Variants in DPP6 observed in about 807,000 individuals in gnomAD.
The protein encoded by DPP6 is dipeptidyl peptidase like 6.
DPP6 carries 69 observed loss-of-function variants against 122.6 expected under a neutral mutation model. That is an observed-to-expected ratio of 0.56 (90% confidence interval 0.46 to 0.69). The LOEUF is 0.69. Ranked by LOEUF, DPP6 falls within the 30% of genes least tolerant of loss-of-function variation. The pLI, the probability that DPP6 is intolerant of heterozygous loss-of-function variation, is 0.00. For missense variants in DPP6, 928 were observed against 1,116.9 expected (o/e 0.83, Z 2.41); for synonymous variants, 418 against 433.1 (o/e 0.97, Z 0.43).
In DPP6 at chr7:154,159,043, C is replaced by T. The variant is rs1796841439; in HGVS notation, c.243+105980C>T. On this transcript the variant is annotated intron_variant, in intron 1 of 25. Transcript: ENST00000377770. Reference sequence around the variant, plus strand: ...TTCCTCCAGAGAATCAACCTCCCATCTCGTGTGTTACTGGAGGAGGGTTTT... The same window carrying T: ...TTCCTCCAGAGAATCAACCTCCCATTTCGTGTGTTACTGGAGGAGGGTTTT... Among the ~76,000 whole-genome samples the T allele has an allele frequency of 3.9e-5, 6 of 152,260 alleles. No individual in the cohort carries two copies. In the South Asian group the frequency reaches 1.0e-3, roughly 26 times the overall value.
At chr7:154,700,305 C>T (rs933688695) in intron 7 of DPP6, among the ~76,000 whole-genome samples, 1 of 152,160 alleles carries the variant, frequency 6.6e-6, no homozygotes, top group Non-Finnish European at 1.5e-5. Context: ...GATCTGGTTT[C>T]CCTTGTCTTA....
intron 6 of DPP6, among the ~76,000 whole-genome samples, chr7:154,648,305 C>G (rs960299041): frequency 6.6e-6 from 1 of 151,908 alleles, no homozygotes; most frequent in African/African-American, 2.4e-5. Context: ...TCGCAAGTGC[C>G]AGGCCTGATG....
At chr7:154,614,929 C>T (rs144074082) in intron 5 of DPP6, among the ~76,000 whole-genome samples, 7 of 152,302 alleles carry the variant, frequency 4.6e-5, no homozygotes, top group African/African-American at 1.2e-4. Context: ...CTCATGGGAC[C>T]GCTGTGAGTT....
Position 154,877,503 on chromosome 7 carries a change from ACACCAACAATGT to A in DPP6, c.2078+1411_2078+1422del, listed in dbSNP as rs1804986449. Among the ~76,000 whole-genome samples the A allele has an allele frequency of 6.6e-6, 1 of 152,130 alleles. No homozygotes were observed. Among genetic ancestry groups the A allele is most frequent in the Non-Finnish European group, 1.5e-5 (1 of 68,020 alleles). ...CAGGTCTCAAGGTTGATGAATCCAG[ACACCAACAATGT>A]CACCAACGACCCAGGCTCTCTCCGT... On this transcript the variant is annotated intron_variant, in intron 20 of 25. Coordinates refer to ENST00000377770, the MANE Select transcript of DPP6 (RefSeq NM_130797.4). This position sits in a 1 kb window ranked among gnomAD's most constrained non-coding sequence, Gnocchi z 5.2.
chr7:154,698,435 T>C, intron 7 of DPP6, among the ~76,000 whole-genome samples: 1 of 152,210 alleles, frequency 6.6e-6, no homozygotes, highest in East Asian at 1.9e-4. Flanking sequence ...TTGTCGTCCG[T>C]ATGCCTCATC....
At chr7:154,251,794 C>A (rs1420719444) in intron 1 of DPP6, among the ~76,000 whole-genome samples, 1 of 70,538 alleles carries the variant, frequency 1.4e-5, no homozygotes, top group East Asian at 2.3e-4. Flanking sequence ...CCTTCTCCTG[C>A]CTGCCTTACT....
intron 1 of DPP6, among the ~76,000 whole-genome samples, chr7:154,388,965 C>G (rs1042315319): frequency 6.6e-6 from 1 of 152,078 alleles, no homozygotes; most frequent in Non-Finnish European, 1.5e-5. Context: ...AATGACATTC[C>G]AAGAGCCCAT....
chr7:154,431,543 T>C (rs1011222816), intron 1 of DPP6, among the ~76,000 whole-genome samples: 13 of 143,660 alleles, frequency 9.0e-5, no homozygotes, highest in African/African-American at 2.8e-4. Flanking sequence ...TCTTTTTTTT[T>C]TTTTTTTTGA....
At chr7:154,311,078 C>G (rs569828964) in intron 1 of DPP6, among the ~76,000 whole-genome samples, 1 of 152,078 alleles carries the variant, frequency 6.6e-6, no homozygotes, top group African/African-American at 2.4e-5. Context: ...TGTAAAAGAT[C>G]GGACAGGTAG....
At chr7:153,992,369 C>T (rs1232220239) in intron 1 of DPP6, among the ~76,000 whole-genome samples, 2 of 151,892 alleles carry the variant, frequency 1.3e-5, no homozygotes, top group Non-Finnish European at 2.9e-5. Context: ...TATTAATATC[C>T]CTGTTCTTCT....
chr7:154,021,578 G>A (rs71534062), intron 1 of DPP6, among the ~76,000 whole-genome samples: 1 of 151,810 alleles, frequency 6.6e-6, no homozygotes, highest in Admixed American at 6.6e-5. Flanking sequence ...TATCCCAAAC[G>A]AGGGCCAGTT....
intron 11 of DPP6, 41 bp from the exon 12 acceptor site, chr7:154,795,804 A>G (rs1429192448): frequency 2.1e-6 from 3 of 1,433,570 alleles, no homozygotes; most frequent in Non-Finnish European, 2.8e-6. Flanking sequence ...AAAGAAAAGA[A>G]AAGAAAAACC....
intron 5 of DPP6, among the ~76,000 whole-genome samples, chr7:154,634,672 CCCTTCT>C (rs201630238): frequency 0.054 from 8,131 of 151,508 alleles, 252 homozygotes; most frequent in Non-Finnish European, 0.07. Flanking sequence ...CCTCCTCTTC[CCCTTCT>C]CCTTCTCCTT....
At chr7:153,813,125 C>T in the DPP6 span, among the ~76,000 whole-genome samples, 4,031 of 151,824 alleles carry the variant, frequency 0.027, 175 homozygotes, top group African/African-American at 0.092. Context: ...CCCATTAACT[C>T]GTCATTTAGC....
intron 1 of DPP6, among the ~76,000 whole-genome samples, chr7:154,290,744 C>G (rs1235916312): frequency 4.6e-5 from 7 of 152,106 alleles, no homozygotes; most frequent in Admixed American, 4.6e-4. Context: ...CCCTGGTGTT[C>G]CCGCGGGGCT....
At chr7:153,994,019 A>G (rs1261030435) in intron 1 of DPP6, among the ~76,000 whole-genome samples, 4 of 152,246 alleles carry the variant, frequency 2.6e-5, no homozygotes, top group Non-Finnish European at 4.4e-5. Flanking sequence ...CTAATATTAT[A>G]GAATTACACT....
intron 1 of DPP6, among the ~76,000 whole-genome samples, chr7:154,264,433 T>C (rs1371120138): frequency 6.6e-6 from 1 of 152,166 alleles, no homozygotes; most frequent in Non-Finnish European, 1.5e-5. Context: ...GCTCAACTTT[T>C]AATTGGCTGT....
the DPP6 span, among the ~76,000 whole-genome samples, chr7:153,838,713 T>C: frequency 6.6e-6 from 1 of 152,190 alleles, no homozygotes. Flanking sequence ...GAGAAACGTT[T>C]TCTGAAACTG....
At chr7:153,880,092 T>C in the DPP6 span, among the ~76,000 whole-genome samples, 2 of 152,240 alleles carry the variant, frequency 1.3e-5, no homozygotes, top group African/African-American at 2.4e-5. Context: ...ACTGCTTTTC[T>C]TGAACTGCTG....
Sources: allele counts gnomAD v4.1 joint callset (sites outside exome capture counted in the v4.1 genomes callset), GRCh38; gene constraint gnomAD v4.1.1; non-coding constraint Gnocchi (gnomAD v3.1); transcripts MANE v1.5; gene names NCBI Gene and HGNC (gene_info 2026-07-23, HGNC 2026-07-21).